The following CDH17 variants were observed in gnomAD, a reference collection of about 807,000 sequenced individuals.
CDH17 encodes cadherin 17, also known as cadherin-17.
CDH17 carries 67 observed loss-of-function variants against 86.3 expected under a neutral mutation model. The observed-to-expected ratio is 0.78, with a 90% CI of 0.64 to 0.95. The LOEUF is 0.95. CDH17 is among the 40% of genes least tolerant of loss of function. The probability of loss-of-function intolerance (pLI) is 0.00; values close to 1 mark genes in which losing one functional copy is unlikely to be tolerated. For synonymous variants in CDH17, 367 were observed against 366.4 expected, an observed-to-expected ratio of 1.00 and a Z score of -0.02; for missense variants, 993 against 1,017.6, an observed-to-expected ratio of 0.98 and a Z score of 0.33.
chr8:94,172,051 T>C (rs1813280931), intron 7 of CDH17, among the ~76,000 whole-genome samples: 1 of 138,492 alleles, frequency 7.2e-6, no homozygotes, highest in Admixed American at 7.7e-5. Context: ...CCCCTCTCTC[T>C]TTCTCCCTCT....
chr8:94,195,054 T>C (rs1813756716), intron 1 of CDH17, among the ~76,000 whole-genome samples: 1 of 152,240 alleles, frequency 6.6e-6, no homozygotes, highest in Admixed American at 6.5e-5. Context: ...CAGGCTGTAG[T>C]GCAGTGGTGC....
rs1441359285 is a variant in CDH17, at chr8:94,131,439, T to C, written c.2168-447A>G. The stretch of plus-strand genomic sequence containing the variant: ...AACATATATTGTTCATTCTAACATT[T>C]AACTCACATCTAACAGCACTAGAAC... On this transcript the variant is annotated intron_variant, in intron 15 of 17. Transcript: ENST00000027335. 3.3e-5 allele frequency among the ~76,000 whole-genome samples: 5 copies of C among 152,344 alleles called. No homozygotes were observed. The East Asian group carries it at 9.6e-4, about 29-fold the overall frequency.
At chr8:94,168,328 A>C (rs1586256897) in intron 9 of CDH17, among the ~76,000 whole-genome samples, 1 of 142,590 alleles carries the variant, frequency 7.0e-6, no homozygotes, top group African/African-American at 2.6e-5. Flanking sequence ...TAGTAGAGAC[A>C]GGGTTTCGCC....
chr8:94,161,978 T>G (rs1813061970), intron 11 of CDH17, 108 bp downstream of exon 11: 1 of 696,240 alleles, frequency 1.4e-6, no homozygotes, highest in Non-Finnish European at 2.5e-6. Flanking sequence ...CAAGGTTACC[T>G]GTTAAGTCTG....
chr8:94,152,449 A>G (rs1812873914), intron 12 of CDH17, among the ~76,000 whole-genome samples: 1 of 152,206 alleles, frequency 6.6e-6, no homozygotes, highest in African/African-American at 2.4e-5. Flanking sequence ...CCTTGAGTGC[A>G]GTGGCGCAAT....
chr8:94,204,067 ATATAATCAAT>A (rs1813975760), intron 1 of CDH17, among the ~76,000 whole-genome samples: 1 of 152,210 alleles, frequency 6.6e-6, no homozygotes, highest in Admixed American at 6.5e-5. Flanking sequence ...GTTTAGATTG[ATATAATCAAT>A]TATAATACAC....
At chr8:94,166,104 T>C in intron 9 of CDH17, 128 bp from the exon 10 acceptor site, 1 of 643,030 alleles carries the variant, frequency 1.6e-6, no homozygotes, top group South Asian at 2.0e-5. Context: ...CAAATGCTCT[T>C]AGAGTTATTT....
At chr8:94,215,388 A>C (rs1034870006) in intron 1 of CDH17, among the ~76,000 whole-genome samples, 1 of 152,182 alleles carries the variant, frequency 6.6e-6, no homozygotes, top group African/African-American at 2.4e-5. Flanking sequence ...AAAGTCAGAC[A>C]AAAAAAGCCT....
chr8:94,159,024 C>A, intron 12 of CDH17, among the ~76,000 whole-genome samples: 1 of 152,142 alleles, frequency 6.6e-6, no homozygotes, highest in East Asian at 1.9e-4. Flanking sequence ...TCTCTCTGGC[C>A]CTTTTTAACA....
chr8:94,215,242 T>C (rs900991743), intron 1 of CDH17, among the ~76,000 whole-genome samples: 4 of 152,176 alleles, frequency 2.6e-5, no homozygotes, highest in African/African-American at 9.7e-5. Context: ...AACCCAAATA[T>C]TCATCAACTG....
chr8:94,154,045 C>CA (rs569250765), intron 12 of CDH17, among the ~76,000 whole-genome samples: 3 of 152,080 alleles, frequency 2.0e-5, no homozygotes, highest in South Asian at 2.1e-4. Flanking sequence ...GTTTTCATCA[C>CA]AAAAAATGAT....
At chr8:94,131,488 A>G (rs180988548) in intron 15 of CDH17, among the ~76,000 whole-genome samples, 1 of 152,290 alleles carries the variant, frequency 6.6e-6, no homozygotes, top group Non-Finnish European at 1.5e-5. Flanking sequence ...CTTATCAAAC[A>G]CACATATTTA....
At chr8:94,201,918 A>G in intron 1 of CDH17, 1 of 184,164 alleles carries the variant, frequency 5.4e-6, no homozygotes, top group Non-Finnish European at 1.2e-5. Flanking sequence ...GAAATTTAGA[A>G]CACCAATTTG....
intron 15 of CDH17, among the ~76,000 whole-genome samples, chr8:94,142,844 G>C (rs1812666286): frequency 6.6e-6 from 1 of 152,084 alleles, no homozygotes; most frequent in Non-Finnish European, 1.5e-5. Flanking sequence ...CATCATCAAG[G>C]CTCCACTTCT....
intron 12 of CDH17, among the ~76,000 whole-genome samples, chr8:94,155,447 G>A (rs999655545): frequency 3.9e-5 from 6 of 152,030 alleles, no homozygotes; most frequent in East Asian, 1.9e-4. Flanking sequence ...AGCAAAGTCC[G>A]GGCCCAGGCA....
intron 9 of CDH17, among the ~76,000 whole-genome samples, chr8:94,168,868 A>T (rs1480606058): frequency 1.3e-5 from 2 of 152,076 alleles, no homozygotes; most frequent in African/African-American, 4.8e-5. Flanking sequence ...GGCAAAAGTG[A>T]TGGGATCGCT....
chr8:94,190,886 A>G (rs1813675301), intron 2 of CDH17, among the ~76,000 whole-genome samples: 1 of 152,210 alleles, frequency 6.6e-6, no homozygotes, highest in African/African-American at 2.4e-5. Context: ...TGGATGCTGG[A>G]TGTCTGGCAA....
chr8:94,201,791 C>G (rs2130683032), intron 1 of CDH17: 1 of 153,684 alleles, frequency 6.5e-6, no homozygotes, highest in South Asian at 2.1e-4. Flanking sequence ...TAGGGACCCC[C>G]CGCATCCCAG....
chr8:94,147,551 T>C (rs1159636172), intron 14 of CDH17, among the ~76,000 whole-genome samples: 2 of 152,190 alleles, frequency 1.3e-5, no homozygotes, highest in Non-Finnish European at 2.9e-5. Flanking sequence ...TAATTCTCTT[T>C]TTTGGTAAAC....
Sources: allele counts gnomAD v4.1 joint callset (sites outside exome capture counted in the v4.1 genomes callset), GRCh38; gene constraint gnomAD v4.1.1; transcripts MANE v1.5; gene names NCBI Gene and HGNC (gene_info 2026-07-23, HGNC 2026-07-21).